ZBED6: variants seen among roughly 807,000 people sequenced by gnomAD.
The protein encoded by ZBED6 is zinc finger BED domain-containing protein 6.
In ZBED6, 40 loss-of-function variants were observed where a neutral mutation model predicts 58.4. The observed-to-expected ratio is 0.68, with a 90% CI of 0.53 to 0.89. The LOEUF (loss-of-function observed/expected upper bound fraction) is 0.89. Among genes scored for constraint, ZBED6 ranks in the 40% least tolerant of loss-of-function variants. The pLI, the probability that ZBED6 is intolerant of heterozygous loss-of-function variation, is 0.00. For missense variants in ZBED6, 1,057 were observed against 1,003.9 expected (o/e 1.05, Z -0.71); for synonymous variants, 439 against 350.6 (o/e 1.25, Z -2.82).
At chr1:203,824,249 C>T (rs1013890471) in intron 3 of ZBED6, among the ~76,000 whole-genome samples, 1 of 136,542 alleles carries the variant, frequency 7.3e-6, no homozygotes, top group African/African-American at 2.7e-5. Flanking sequence ...GCCTGGGCTA[C>T]ACAGTAAGAC....
At chr1:203,812,991 T>C (rs1045730174) in intron 1 of ZBED6, among the ~76,000 whole-genome samples, 3 of 152,228 alleles carry the variant, frequency 2.0e-5, no homozygotes, top group African/African-American at 7.2e-5. Context: ...GAGGTACCTG[T>C]TCAGATCTTT....
chr1:203,850,833 C>G (rs1689079487), intron 15 of ZBED6, 152 bp downstream of exon 15: 1 of 1,246,944 alleles, frequency 8.0e-7, no homozygotes, highest in South Asian at 1.5e-5. Context: ...TTTATACTTA[C>G]AGTTTGATAT....
exon 17 of ZBED6, chr1:203,852,583 A>T (rs1689541025): frequency 1.5e-6 from 1 of 669,424 alleles, no homozygotes; most frequent in South Asian, 2.0e-5. Flanking sequence ...AAGTTACTTT[A>T]TAACCATTTT....
chr1:203,815,077 G>C lies in ZBED6; in HGVS notation c.*2555-1849G>C, dbSNP rs190086145. On this transcript the variant is annotated intron_variant, in intron 1 of 16. Coordinates refer to ENST00000550078, the Ensembl canonical transcript of ZBED6. ...ACTCCTGACCTCAAGTGATCCACCAGCTTCCACCTCCCAAAGTGCTGGGAT... is the reference window on the plus strand; with the variant it reads ...ACTCCTGACCTCAAGTGATCCACCACCTTCCACCTCCCAAAGTGCTGGGAT... The C allele has an allele frequency of 2.0e-5, 3 of 151,804 alleles. 1 individual carries two copies. Among genetic ancestry groups the C allele is most frequent in the African/African-American group, 4.8e-5 (2 of 41,360 alleles). 9.4% of individuals were successfully genotyped at this position (151,804 alleles called of 1,614,324 possible).
intron 3 of ZBED6, among the ~76,000 whole-genome samples, chr1:203,822,294 G>A (rs1349349605): frequency 6.6e-6 from 1 of 151,938 alleles, no homozygotes; most frequent in Admixed American, 6.6e-5. Flanking sequence ...GCTCTGACAT[G>A]ACACACACAG....
exon 16 of ZBED6, chr1:203,851,065 C>G (rs745942363): frequency 1.2e-6 from 2 of 1,614,156 alleles, no homozygotes; most frequent in Admixed American, 3.3e-5. Context: ...AGGCTGTTGT[C>G]CCGCTTGTCT....
At chr1:203,853,628 T>C (rs887024086) in exon 17 of ZBED6, 4 of 152,676 alleles carry the variant, frequency 2.6e-5, no homozygotes, top group Non-Finnish European at 4.4e-5. Context: ...TTGTTTCTCA[T>C]AGGGAAATCT....
exon 7 of ZBED6, chr1:203,830,152 CTT>C: frequency 6.3e-7 from 1 of 1,596,830 alleles, no homozygotes; most frequent in Non-Finnish European, 8.5e-7. Context: ...AATAAAAACT[CTT>C]GAGGAAATTA....
At chr1:203,840,853 C>T (rs1414363027) in intron 11 of ZBED6, among the ~76,000 whole-genome samples, 1 of 152,004 alleles carries the variant, frequency 6.6e-6, no homozygotes, top group East Asian at 1.9e-4. Flanking sequence ...AGGCTGGTCT[C>T]AAACTCCTGA....
chr1:203,811,254 G>A (rs555284818), intron 1 of ZBED6, among the ~76,000 whole-genome samples: 3 of 152,052 alleles, frequency 2.0e-5, no homozygotes, highest in Admixed American at 6.5e-5. Flanking sequence ...GTTGCAGTCA[G>A]CTGAGGTCGT....
At chr1:203,809,414 A>G (rs1269302928) in intron 1 of ZBED6, among the ~76,000 whole-genome samples, 1 of 150,392 alleles carries the variant, frequency 6.6e-6, no homozygotes, top group Non-Finnish European at 1.5e-5. Context: ...TGACCTCGTG[A>G]TCCGCCCATC....
chr1:203,853,683 G>A (rs1361010124), exon 17 of ZBED6: 3 of 152,618 alleles, frequency 2.0e-5, no homozygotes, highest in South Asian at 2.1e-4. Flanking sequence ...TGTTGTAAGC[G>A]GCTCATCAAG....
intron 11 of ZBED6, among the ~76,000 whole-genome samples, chr1:203,846,880 T>C (rs1394381491): frequency 6.6e-6 from 1 of 152,110 alleles, no homozygotes; most frequent in African/African-American, 2.4e-5. Context: ...GGTGGGTACC[T>C]GTAGTCCCAG....
chr1:203,805,123 C>T (rs1300008932), intron 1 of ZBED6, among the ~76,000 whole-genome samples: 1 of 149,852 alleles, frequency 6.7e-6, no homozygotes, highest in South Asian at 2.1e-4. Context: ...ATCAAAATAC[C>T]CACTTCTGAT....
chr1:203,845,329 G>A (rs1687597484), intron 11 of ZBED6, among the ~76,000 whole-genome samples: 1 of 152,126 alleles, frequency 6.6e-6, no homozygotes, highest in Admixed American at 6.5e-5. Flanking sequence ...CTTTCTTGGA[G>A]TGGTAATTTT....
At chr1:203,800,234 G>A (rs919912599) in exon 1 of ZBED6, 1 of 1,310,330 alleles carries the variant, frequency 7.6e-7, no homozygotes, top group Non-Finnish European at 1.1e-6. Flanking sequence ...TTGCCATCCA[G>A]TATCTAAGTT....
chr1:203,846,430 A>G (rs1392748840), intron 11 of ZBED6, among the ~76,000 whole-genome samples: 1 of 151,946 alleles, frequency 6.6e-6, no homozygotes, highest in Non-Finnish European at 1.5e-5. Flanking sequence ...CACCTGTTTT[A>G]CCTTCTTTTT....
At chr1:203,851,105 G>T in exon 16 of ZBED6, 2 of 1,614,182 alleles carry the variant, frequency 1.2e-6, no homozygotes, top group Non-Finnish European at 1.7e-6. Context: ...TGTGCCTGAA[G>T]CAGAAAATCC....
intron 11 of ZBED6, among the ~76,000 whole-genome samples, chr1:203,844,376 T>TCTC (rs1687321557): frequency 6.6e-6 from 1 of 151,960 alleles, no homozygotes; most frequent in Non-Finnish European, 1.5e-5. Context: ...GCCAGGCTAG[T>TCTC]CTCCAACTCC....
Sources: allele counts gnomAD v4.1 joint callset (sites outside exome capture counted in the v4.1 genomes callset), GRCh38; gene constraint gnomAD v4.1.1; transcripts MANE v1.5; gene names NCBI Gene and HGNC (gene_info 2026-07-23, HGNC 2026-07-21).